The following PIK3R6 variants were observed in gnomAD, a reference collection of about 807,000 sequenced individuals.
PIK3R6 encodes phosphoinositide-3-kinase regulatory subunit 6, also known as phosphoinositide 3-kinase regulatory subunit 6.
Under a neutral mutation model 84.9 loss-of-function variants are expected in PIK3R6, and 91 were observed. The ratio of observed to expected loss-of-function variants is 1.07; its 90% confidence interval spans 0.90 to 1.28. PIK3R6 has a LOEUF of 1.28. PIK3R6 is among the 50% of genes most tolerant of loss of function. The pLI is 0.00. For synonymous variants in PIK3R6, 416 were observed against 411.4 expected, an observed-to-expected ratio of 1.01 and a Z score of -0.13; for missense variants, 996 against 985.1, an observed-to-expected ratio of 1.01 and a Z score of -0.15.
intron 2 of PIK3R6, among the ~76,000 whole-genome samples, chr17:8,845,872 G>T (rs901376369): frequency 2.0e-5 from 3 of 152,162 alleles, no homozygotes; most frequent in Non-Finnish European, 2.9e-5. Flanking sequence ...GGGGGGTGGA[G>T]ATTGCAGTGA....
intron 5 of PIK3R6, among the ~76,000 whole-genome samples, chr17:8,837,573 G>T (rs1412155364): frequency 6.6e-6 from 1 of 152,178 alleles, no homozygotes; most frequent in Non-Finnish European, 1.5e-5. Flanking sequence ...GCACACAGGA[G>T]CAAACCCAAA....
In PIK3R6 at chr17:8,837,167, T is replaced by C. The variant is rs138970870; in HGVS notation, c.259-244A>G. On this transcript the variant is annotated intron_variant, in intron 5 of 19. Coordinates refer to ENST00000619866, the MANE Select transcript of PIK3R6 (RefSeq NM_001010855.4). ...CCCAACTTACCAAGATAAAAATTCA[T>C]TGCATCAAGTTATGCAAGCAAATCA... 3.4e-3 allele frequency among the ~76,000 whole-genome samples: 511 copies of C among 152,252 alleles called. 5 individuals are homozygous for C. Among genetic ancestry groups the C allele is most frequent in the African/African-American group, 0.012 (492 of 41,558 alleles).
At chr17:8,840,502 G>T (rs994457129) in intron 2 of PIK3R6, among the ~76,000 whole-genome samples, 26 of 142,754 alleles carry the variant, frequency 1.8e-4, no homozygotes, top group African/African-American at 5.9e-4. Context: ...AATATATATA[G>T]CCTCCAAATA....
rs1419205149 is a variant in PIK3R6, at chr17:8,829,262, CACAG to C, written c.890-276_890-273del. Reference sequence around the variant, plus strand: ...AAACACATGCATGCACGCATACACACACAGACACACTGACACACACACGCATCAT... The same window carrying C: ...AAACACATGCATGCACGCATACACACACACACTGACACACACACGCATCAT... On this transcript the variant is annotated intron_variant, in intron 10 of 19. Transcript: ENST00000619866. Among the ~76,000 whole-genome samples, 23 of 150,280 alleles carry C rather than the reference CACAG, an allele frequency of 1.5e-4. No individual in the cohort carries two copies. The East Asian group carries it at 3.5e-3, about 23-fold the overall frequency.
chr17:8,856,711 T>C (rs772640245), intron 1 of PIK3R6, among the ~76,000 whole-genome samples: 54 of 152,172 alleles, frequency 3.5e-4, no homozygotes, highest in Non-Finnish European at 2.6e-4. Flanking sequence ...CTTTTAATGA[T>C]ACACACTAAA....
rs1336051070 is a variant in PIK3R6 at position 8,844,444 on chromosome 17, C to T, written c.14-4747G>A. Among the ~76,000 whole-genome samples the T allele has an allele frequency of 6.6e-6, 1 of 152,130 alleles. No homozygotes were observed. The highest frequency in any genetic ancestry group is 1.5e-5 in the Non-Finnish European group (1 of 68,030). ...AATGGAAGAAAGAAATGGGATATTT[C>T]CTGTGACTCAAGTGGCTCAGCATTG... On this transcript the variant is annotated intron_variant, in intron 2 of 19. Transcript: ENST00000619866. The surrounding 1 kb of genome is among the most constrained non-coding windows in gnomAD (Gnocchi z 4.5).
chr17:8,830,960 G>A (rs1178197412), intron 9 of PIK3R6, among the ~76,000 whole-genome samples: 3 of 151,840 alleles, frequency 2.0e-5, no homozygotes, highest in African/African-American at 7.3e-5. Context: ...TGGCTAACAC[G>A]GTGAAACCCC....
chr17:8,822,050 G>T, intron 16 of PIK3R6, 114 bp from the exon 17 acceptor site: 278 of 521,952 alleles, frequency 5.3e-4, no homozygotes, highest in Non-Finnish European at 7.3e-4. Context: ...TGCTGTGAGA[G>T]TCTTTTTTTT....
chr17:8,826,419 C>G (rs1231798311), intron 13 of PIK3R6, among the ~76,000 whole-genome samples: 1 of 152,146 alleles, frequency 6.6e-6, no homozygotes, highest in Non-Finnish European at 1.5e-5. Context: ...AATTGTGGCA[C>G]ATATACACCA....
intron 1 of PIK3R6, among the ~76,000 whole-genome samples, chr17:8,858,033 C>T (rs1232635552): frequency 6.6e-6 from 1 of 152,162 alleles, no homozygotes; most frequent in East Asian, 1.9e-4. Flanking sequence ...TTCAGCGTTT[C>T]TATATATTTG....
In PIK3R6 at chr17:8,867,601, A is replaced by G. The variant is rs761328231; in HGVS notation, c.-164T>C. The stretch of plus-strand genomic sequence containing the variant: ...CCCCACGGTCCTGAGCGAGGTCCCC[A>G]GTCCCAGAGAAGCAGATGTCTTGGG... On this transcript the variant is annotated 5_prime_UTR_variant, in exon 1 of 20. Coordinates refer to ENST00000619866, the MANE Select transcript of PIK3R6 (RefSeq NM_001010855.4). 2.0e-6 allele frequency: 1 copy of G among 512,222 alleles called. No individual in the cohort carries two copies. Among genetic ancestry groups the G allele is most frequent in the South Asian group, 1.4e-5 (1 of 70,576 alleles). The allele number at this position is 512,222 out of a possible 1,614,324, so 31.7% of individuals were successfully genotyped here. A position where few individuals can be genotyped will look rare whatever the true frequency, so the allele number is the denominator to read the frequency against.
intron 2 of PIK3R6, among the ~76,000 whole-genome samples, chr17:8,848,412 C>T (rs767504749): frequency 2.4e-4 from 37 of 152,192 alleles, no homozygotes; most frequent in Middle Eastern, 3.4e-3. Flanking sequence ...AAATATGTCA[C>T]GGGGCAATTT....
rs529412990 is a variant in PIK3R6, at chr17:8,804,979, C to A, written c.1996-826G>T. Among the ~76,000 whole-genome samples the A allele has an allele frequency of 8.5e-5, 13 of 152,294 alleles. 1 individual carries two copies. The highest frequency in any genetic ancestry group is 3.3e-4 in the Admixed American group (5 of 15,298). ...TTTTTAAAAAGCTCCTGAGTGTAGG[C>A]AGGGCTGAGAACAGCCACTGAGTTG... On this transcript the variant is annotated intron_variant, in intron 18 of 19. Transcript: ENST00000619866.
intron 14 of PIK3R6, 30 bp downstream of exon 14, chr17:8,823,357 G>A: frequency 6.7e-7 from 1 of 1,496,712 alleles, no homozygotes; most frequent in Non-Finnish European, 9.3e-7. Flanking sequence ...GGGTCCTGGG[G>A]TCCCTTGGAG....
intron 12 of PIK3R6, among the ~76,000 whole-genome samples, chr17:8,827,716 G>T (rs535216882): frequency 2.0e-5 from 3 of 146,542 alleles, no homozygotes; most frequent in Admixed American, 6.9e-5. Flanking sequence ...GTGTGTATGT[G>T]TGTGTATGAG....
rs1012994628 is a variant in PIK3R6 at position 8,842,114 on chromosome 17, T to C, written c.14-2417A>G. On this transcript the variant is annotated intron_variant, in intron 2 of 19. Transcript: ENST00000619866. The surrounding 1 kb of genome is among the most constrained non-coding windows in gnomAD (Gnocchi z 4.5). Reference sequence around the variant, plus strand: ...CCAGGAGTGGAAGTTTCCTGAGCCCTGAGCCCCTTATCAGAAGCAGATGCT... The same window carrying C: ...CCAGGAGTGGAAGTTTCCTGAGCCCCGAGCCCCTTATCAGAAGCAGATGCT... Among the ~76,000 whole-genome samples the C allele has an allele frequency of 1.3e-5, 2 of 152,210 alleles. No homozygotes were observed. The highest frequency in any genetic ancestry group is 2.1e-4 in the South Asian group (1 of 4,834).
At chr17:8,849,337 T>C (rs992823656) in intron 2 of PIK3R6, among the ~76,000 whole-genome samples, 4 of 152,244 alleles carry the variant, frequency 2.6e-5, no homozygotes, top group Admixed American at 1.3e-4. Flanking sequence ...TCAATAGCTA[T>C]GTGACTGGGG....
chr17:8,804,093 G>C lies in PIK3R6; in HGVS notation c.2056C>G (p.Leu686Val). 1 of 1,614,066 alleles carries C rather than the reference G, an allele frequency of 6.2e-7. No homozygotes were observed. Among genetic ancestry groups the C allele is most frequent in the Non-Finnish European group, 8.5e-7 (1 of 1,179,896 alleles). The change falls in exon 19 of 20, where the codon CTG (leucine) becomes GTG (valine). Residue 686 changes from leucine (L) to valine (V), a missense_variant. Leu to Val is a conservative substitution (Grantham distance 32). Transcript: ENST00000619866. ...TCGTCCTTGTCCAGCGACAGTGTCA[G>C]CAGCCTCTGGTCCCGGCTCTGGATC... Reference protein sequence around the residue: ...IQIQSRDQRLLTLSLDKDDQR... With the variant: ...IQIQSRDQRLVTLSLDKDDQR...
rs141596111 is a variant in PIK3R6 at position 8,811,955 on chromosome 17, C to A, written c.1995+7128G>T. Among the ~76,000 whole-genome samples, 22 of 150,374 alleles carry A rather than the reference C, an allele frequency of 1.5e-4. 2 individuals carry two copies. The East Asian group carries it at 4.6e-3, about 31-fold the overall frequency. On this transcript the variant is annotated intron_variant, in intron 18 of 19. Transcript: ENST00000619866. ...AATTTACTCAATCCATTTCACACTG[C>A]TGATAAAGACATACCTGAGACTGGG... is the stretch of plus-strand genomic sequence containing the variant.
Sources: gnomAD v4.1 joint callset for allele counts (sites outside exome capture counted in the v4.1 genomes callset) on GRCh38, gnomAD v4.1.1 for gene constraint, Gnocchi (gnomAD v3.1) non-coding constraint, MANE v1.5 for transcripts, NCBI Gene and HGNC (gene_info 2026-07-23, HGNC 2026-07-21) for gene names.